Variants in SLC12A8 observed in about 807,000 individuals in gnomAD.
The protein encoded by SLC12A8 is cation-chloride cotransporter 9.
Under a neutral mutation model 75.6 loss-of-function variants are expected in SLC12A8, and 69 were observed. The ratio of observed to expected loss-of-function variants is 0.91; its 90% CI spans 0.75 to 1.11. The LOEUF (loss-of-function observed/expected upper bound fraction) is 1.11. Ranked by LOEUF, SLC12A8 falls within the 50% of genes most tolerant of loss-of-function variation. The probability of loss-of-function intolerance (pLI) is 0.00; values close to 1 mark genes in which losing one functional copy is unlikely to be tolerated. For missense variants in SLC12A8, 877 were observed against 896.7 expected, an observed-to-expected ratio of 0.98 and a Z score of 0.28; for synonymous variants, 365 against 372.8, an observed-to-expected ratio of 0.98 and a Z score of 0.24.
chr3:125,091,479 C>A lies in SLC12A8; in HGVS notation c.1881G>T (p.Val627=). 1 of 1,613,936 alleles carries A rather than the reference C, an allele frequency of 6.2e-7. No individual in the cohort carries two copies. The highest frequency in any genetic ancestry group is 1.7e-5 in the Admixed American group (1 of 59,996). ...TLVNMGVAAI[V]YFYIGRASPG... is the part of the protein sequence containing the mutation. ...GACTGGCCCGGCCAATGTAGAAATA[C>A]ACGATGGCAGCAACACCCATGTTAA... The change falls in exon 12 of 14, where the codon GTG becomes GTT. Residue 627 remains valine (V), a synonymous_variant. Transcript: ENST00000469902.
chr3:125,183,903 A>AG (rs1934718643), intron 4 of SLC12A8, among the ~76,000 whole-genome samples: 1 of 151,958 alleles, frequency 6.6e-6, no homozygotes, highest in Non-Finnish European at 1.5e-5. Context: ...AGAGGGATGA[A>AG]GGGGGAAGGG....
At position 125,100,734 on chromosome 3, in the gene SLC12A8, C is replaced by T. The variant is rs186082402; in HGVS notation, c.1705+6747G>A. On this transcript the variant is annotated intron_variant, in intron 10 of 13. Transcript: ENST00000469902. ...AATGCTATCTTAAAGATGATTTAGG[C>T]CGGGCGCGGTGGCTCACGCCTGTAA... Among the ~76,000 whole-genome samples the T allele has an allele frequency of 4.8e-4, 71 of 149,090 alleles. 1 individual carries two copies. Among genetic ancestry groups the T allele is most frequent in the African/African-American group, 1.6e-3 (67 of 41,008 alleles).
intron 2 of SLC12A8, among the ~76,000 whole-genome samples, chr3:125,201,847 T>C (rs1935127482): frequency 6.6e-6 from 1 of 152,198 alleles, no homozygotes; most frequent in African/African-American, 2.4e-5. Context: ...TTATACTTGA[T>C]AATTATTGAA....
chr3:125,089,227 C>T (rs535358640), intron 12 of SLC12A8, among the ~76,000 whole-genome samples: 2 of 152,230 alleles, frequency 1.3e-5, no homozygotes, highest in African/African-American at 4.8e-5. Context: ...ATCATTTAGG[C>T]CCTTATGGCT....
rs1252697513 is a variant in SLC12A8, at chr3:125,083,281, C to T, written c.*609G>A. ...TTGTGCAGAGTCTTGGTGTCCCCTG[C>T]TAGTCTTAGTACCTGTATAGAGCTC... On this transcript the variant is annotated 3_prime_UTR_variant, in exon 14 of 14. Coordinates refer to ENST00000469902, the MANE Select transcript of SLC12A8 (RefSeq NM_024628.6). 2 of 152,230 alleles carry T rather than the reference C, an allele frequency of 1.3e-5. No individual in the cohort carries two copies. Among genetic ancestry groups the T allele is most frequent in the African/African-American group, 4.8e-5 (2 of 41,438 alleles). 9.4% of individuals were successfully genotyped at this position (152,230 alleles called of 1,614,324 possible).
chr3:125,109,349 T>TA (rs1192150039), intron 9 of SLC12A8, among the ~76,000 whole-genome samples: 1 of 152,224 alleles, frequency 6.6e-6, no homozygotes, highest in Admixed American at 6.5e-5. Flanking sequence ...CAGGTTTACA[T>TA]ATCCAACTGC....
intron 10 of SLC12A8, among the ~76,000 whole-genome samples, chr3:125,095,637 T>G (rs1366669347): frequency 1.3e-5 from 2 of 152,218 alleles, no homozygotes; most frequent in Non-Finnish European, 1.5e-5. Context: ...TAAGAGAATG[T>G]GTGCCTCTTC....
Position 125,103,273 on chromosome 3 carries a change from G to A in SLC12A8, c.1705+4208C>T, listed in dbSNP as rs372002957. ...CCTATCTGTGTGTCCCTCGGGCAAG[G>A]GATTAAAGAACTCTCCTCCAGAGGA... On this transcript the variant is annotated intron_variant, in intron 10 of 13. Coordinates refer to ENST00000469902, the MANE Select transcript of SLC12A8 (RefSeq NM_024628.6). Among the ~76,000 whole-genome samples the A allele has an allele frequency of 3.2e-4, 48 of 151,968 alleles. No homozygotes were observed. In the South Asian group the frequency reaches 9.4e-3, roughly 30 times the overall value.
intron 5 of SLC12A8, among the ~76,000 whole-genome samples, chr3:125,175,907 G>T (rs780218706): frequency 3.9e-5 from 6 of 152,120 alleles, no homozygotes; most frequent in African/African-American, 9.7e-5. Context: ...GTGCCGGATC[G>T]TTGGGGCATC....
At chr3:125,102,029 A>G (rs958340105) in intron 10 of SLC12A8, among the ~76,000 whole-genome samples, 2 of 152,256 alleles carry the variant, frequency 1.3e-5, no homozygotes, top group African/African-American at 4.8e-5. Flanking sequence ...AAGATAGACA[A>G]ATAAACCTAA....
rs181172493 is a variant in SLC12A8, at chr3:125,202,515, G to A, written c.51+8784C>T. ...GCAAACCCCAGACGATTAAATGATG[G>A]CAAATGCAGTATTTTGTCTATATCT... is the stretch of plus-strand genomic sequence containing the variant. On this transcript the variant is annotated intron_variant, in intron 2 of 13. Transcript: ENST00000469902. Among the ~76,000 whole-genome samples the A allele has an allele frequency of 3.0e-4, 46 of 152,200 alleles. No individual in the cohort carries two copies. The Middle Eastern group carries it at 0.01, about 34-fold the overall frequency.
intron 4 of SLC12A8, 69 bp downstream of exon 4, chr3:125,187,168 G>A: frequency 1.3e-6 from 2 of 1,526,212 alleles, no homozygotes; most frequent in Non-Finnish European, 1.8e-6. Context: ...CCCAGGTCAA[G>A]TGAGGAAATG....
chr3:125,186,638 A>G (rs890306024), intron 4 of SLC12A8, among the ~76,000 whole-genome samples: 1 of 152,254 alleles, frequency 6.6e-6, no homozygotes, highest in Non-Finnish European at 1.5e-5. Context: ...TTTTAGCTAA[A>G]AAAGCCTTAG....
At chr3:125,110,504 G>A (rs1476779652) in intron 8 of SLC12A8, 169 bp from the exon 9 acceptor site, 33 of 566,422 alleles carry the variant, frequency 5.8e-5, no homozygotes, top group Non-Finnish European at 8.2e-5. Flanking sequence ...TCATTCCATG[G>A]TTTCAGCTGA....
intron 4 of SLC12A8, 36 bp downstream of exon 4, chr3:125,187,201 G>A (rs376404902): frequency 1.2e-5 from 20 of 1,600,182 alleles, no homozygotes; most frequent in Non-Finnish European, 1.5e-5. Flanking sequence ...GTGGCAGAGG[G>A]CCAGGCAGGG....
At chr3:125,109,693 G>T (rs1241781064) in intron 9 of SLC12A8, among the ~76,000 whole-genome samples, 3 of 152,156 alleles carry the variant, frequency 2.0e-5, no homozygotes, top group African/African-American at 7.2e-5. Context: ...ATCAGTTAAG[G>T]TTTGGTTCAT....
chr3:125,161,128 G>A (rs534666490), intron 5 of SLC12A8, among the ~76,000 whole-genome samples: 53 of 152,300 alleles, frequency 3.5e-4, no homozygotes, highest in African/African-American at 1.2e-3. Flanking sequence ...TCTTGTCTCG[G>A]CAGGGCTCAT....
chr3:125,094,158 A>G (rs1399776574), intron 10 of SLC12A8, among the ~76,000 whole-genome samples: 1 of 152,182 alleles, frequency 6.6e-6, no homozygotes, highest in East Asian at 1.9e-4. Flanking sequence ...CTCTCAGCCC[A>G]TAACCTCCTT....
At chr3:125,169,481 G>A (rs927034321) in intron 5 of SLC12A8, among the ~76,000 whole-genome samples, 1 of 152,136 alleles carries the variant, frequency 6.6e-6, no homozygotes, top group Non-Finnish European at 1.5e-5. Context: ...GATGAAATGA[G>A]AGACAAGACA....
Sources: gnomAD v4.1 joint callset for allele counts (sites outside exome capture counted in the v4.1 genomes callset) on GRCh38, gnomAD v4.1.1 for gene constraint, MANE v1.5 for transcripts, NCBI Gene and HGNC (gene_info 2026-07-23, HGNC 2026-07-21) for gene names.